The following LRRC7 variants were observed in gnomAD, a reference collection of about 807,000 sequenced individuals.
The protein encoded by LRRC7 is leucine rich repeat containing 7.
A neutral mutation model predicts 175.7 loss-of-function variants in LRRC7; 23 were observed. That is an observed-to-expected ratio of 0.13 (90% CI 0.09 to 0.19). The LOEUF is 0.19. Among genes scored for constraint, LRRC7 ranks in the 10% least tolerant of loss-of-function variants. LRRC7 has a pLI of 1.00. For synonymous variants in LRRC7, 685 were observed against 680.9 expected (o/e 1.01, Z -0.09); for missense variants, 1,354 against 1,904.7 (o/e 0.71, Z 5.38).
In LRRC7 at chr1:69,899,248, A is replaced by G. The variant is rs371698767; in HGVS notation, c.648-32259A>G. 3.9e-5 allele frequency among the ~76,000 whole-genome samples: 6 copies of G among 152,296 alleles called. No individual in the cohort carries two copies. The South Asian group carries it at 1.0e-3, about 26-fold the overall frequency. On this transcript the variant is annotated intron_variant, in intron 7 of 26. Coordinates refer to ENST00000651989, the MANE Select transcript of LRRC7 (RefSeq NM_001370785.2). ...TCATTGTGGTCACAAAAAATCGTCA[A>G]TCATTGATGATGTTTCATGGAATTG...
chr1:69,806,968 T>G (rs897558315), intron 4 of LRRC7, among the ~76,000 whole-genome samples: 4 of 151,974 alleles, frequency 2.6e-5, no homozygotes, highest in African/African-American at 4.8e-5. Context: ...AAATTGCATA[T>G]AAAAAGTACA....
intron 11 of LRRC7, among the ~76,000 whole-genome samples, chr1:70,006,908 A>G (rs1347521665): frequency 6.6e-6 from 1 of 152,204 alleles, no homozygotes; most frequent in African/African-American, 2.4e-5. Flanking sequence ...GAACAGGTAC[A>G]AAAGGAAAGG....
chr1:70,106,618 T>A (rs1413856892), intron 25 of LRRC7, among the ~76,000 whole-genome samples: 1 of 152,204 alleles, frequency 6.6e-6, no homozygotes, highest in Non-Finnish European at 1.5e-5. Context: ...CTGAAATTAG[T>A]AAGAAGGTTT....
intron 25 of LRRC7, among the ~76,000 whole-genome samples, chr1:70,105,621 A>G (rs546056445): frequency 1.3e-5 from 2 of 152,290 alleles, no homozygotes; most frequent in African/African-American, 2.4e-5. Flanking sequence ...ACTTTTAATG[A>G]CCACATATCA....
intron 20 of LRRC7, among the ~76,000 whole-genome samples, chr1:70,036,870 T>G (rs1384992162): frequency 6.6e-6 from 1 of 151,792 alleles, no homozygotes; most frequent in Non-Finnish European, 1.5e-5. Context: ...AACAAAAAAT[T>G]TAAAAAATAA....
At position 69,670,709 on chromosome 1, in the gene LRRC7, G is replaced by A. The variant is rs78753492; in HGVS notation, c.3-7672G>A. Among the ~76,000 whole-genome samples, 1,005 of 152,238 alleles carry A rather than the reference G, an allele frequency of 6.6e-3. 10 individuals carry two copies. Among genetic ancestry groups the A allele is most frequent in the African/African-American group, 0.023 (940 of 41,550 alleles). ...ATTTTAATTTACTGTAGGTGAGCTG[G>A]CAGTCAAACCATGAGACACAGTCCT... On this transcript the variant is annotated intron_variant, in intron 1 of 26. Coordinates refer to ENST00000651989, the MANE Select transcript of LRRC7 (RefSeq NM_001370785.2).
intron 4 of LRRC7, among the ~76,000 whole-genome samples, chr1:69,811,816 T>C (rs1962463): frequency 1.3e-5 from 2 of 152,164 alleles, no homozygotes; most frequent in East Asian, 1.9e-4. Flanking sequence ...AAATACCTAA[T>C]GTAGGTGACA....
intron 7 of LRRC7, among the ~76,000 whole-genome samples, chr1:69,888,581 G>A (rs558189760): frequency 7.9e-5 from 12 of 152,298 alleles, no homozygotes; most frequent in East Asian, 3.9e-4. Context: ...CGTCTTCTGC[G>A]TCGCTCACGC....
rs200806069 is a variant in LRRC7 at position 69,808,701 on chromosome 1, T to C, written c.421+16541T>C. Among the ~76,000 whole-genome samples the C allele has an allele frequency of 2.6e-4, 40 of 152,198 alleles. No homozygotes were observed. The East Asian group carries it at 3.9e-3, about 15-fold the overall frequency. On this transcript the variant is annotated intron_variant, in intron 4 of 26. Coordinates refer to ENST00000651989, the MANE Select transcript of LRRC7 (RefSeq NM_001370785.2). ...GACATTAATGCAGAAATAAATAAGT[T>C]CTTTGAAACCAATAAGAACAAAGAC... is the stretch of plus-strand genomic sequence containing the variant.
At chr1:69,763,426 A>G (rs1275027608) in intron 3 of LRRC7, among the ~76,000 whole-genome samples, 1 of 152,092 alleles carries the variant, frequency 6.6e-6, no homozygotes, top group Non-Finnish European at 1.5e-5. Flanking sequence ...ATTTGTCTGC[A>G]GATCTCATTG....
chr1:70,083,203 C>T (rs951678451), intron 24 of LRRC7, among the ~76,000 whole-genome samples: 1 of 152,092 alleles, frequency 6.6e-6, no homozygotes, highest in African/African-American at 2.4e-5. Context: ...TATTAATTAT[C>T]CTTGAATATT....
intron 11 of LRRC7, among the ~76,000 whole-genome samples, chr1:70,008,846 TC>T (rs1451617241): frequency 6.6e-6 from 1 of 152,178 alleles, no homozygotes; most frequent in Non-Finnish European, 1.5e-5. Context: ...CAATGACCAA[TC>T]ATTGACAGAC....
chr1:69,954,732 C>T lies in LRRC7; in HGVS notation c.711+23162C>T, dbSNP rs370117308. Among the ~76,000 whole-genome samples the T allele has an allele frequency of 4.4e-4, 67 of 152,100 alleles. 1 individual carries two copies. The highest frequency in any genetic ancestry group is 1.5e-3 in the African/African-American group (62 of 41,524). ...TTTTTTAAGAAAAGCATTCTGTTCACACATGAAGAAAATATTAGCTTGTTA... is the reference window on the plus strand; with the variant it reads ...TTTTTTAAGAAAAGCATTCTGTTCATACATGAAGAAAATATTAGCTTGTTA... On this transcript the variant is annotated intron_variant, in intron 8 of 26. Coordinates refer to ENST00000651989, the MANE Select transcript of LRRC7 (RefSeq NM_001370785.2).
chr1:69,569,066 G>GACACAC (rs3831340), intron 1 of LRRC7, among the ~76,000 whole-genome samples: 4 of 151,010 alleles, frequency 2.6e-5, no homozygotes, highest in Non-Finnish European at 4.4e-5. Context: ...GTTTGATCGT[G>GACACAC]ACACACACAC....
At position 69,710,295 on chromosome 1, in the gene LRRC7, A is replaced by AG. The variant is rs1457742174; in HGVS notation, c.100+31817_100+31818insG. Among the ~76,000 whole-genome samples, 1,022 of 150,400 alleles carry AG rather than the reference A, an allele frequency of 6.8e-3. 9 individuals are homozygous for AG. Among genetic ancestry groups the AG allele is most frequent in the African/African-American group, 0.024 (961 of 40,650 alleles). The stretch of plus-strand genomic sequence containing the variant: ...CTCCGTCTCAAAAAAAAAAAAAAAA[A>AG]AAAGAAAGAAAGAAAAAATGTCAAG... On this transcript the variant is annotated intron_variant, in intron 2 of 26. Transcript: ENST00000651989.
At position 70,038,643 on chromosome 1, in the gene LRRC7, A is replaced by G. The variant is rs768924219; in HGVS notation, c.2819A>G (p.Asn940Ser). 9.3e-6 allele frequency: 15 copies of G among 1,614,092 alleles called. No individual in the cohort carries two copies. Among genetic ancestry groups the G allele is most frequent in the South Asian group, 1.1e-5 (1 of 91,074 alleles). Residue 940 changes from asparagine (N) to serine (S), a missense_variant, in exon 21 of 27, where the codon AAC becomes AGC. Around this residue, in one of 4 missense-constraint regions of LRRC7, gnomAD observed 1,032 missense variants for 1,227.2 expected, o/e 0.84. Coordinates refer to ENST00000651989, the MANE Select transcript of LRRC7 (RefSeq NM_001370785.2). ...TGGGAGTATCATGATTCCAATCCCA[A>G]CAGGAGTCTTAGTAATGTCTTTTCT... Reference protein sequence around the residue: ...VPWEYHDSNPNRSLSNVFSQI... With the variant: ...VPWEYHDSNPSRSLSNVFSQI...
At chr1:69,625,538 C>T (rs1651364836) in intron 1 of LRRC7, among the ~76,000 whole-genome samples, 2 of 150,996 alleles carry the variant, frequency 1.3e-5, no homozygotes, top group African/African-American at 4.9e-5. Flanking sequence ...TACTGTTATT[C>T]TTAAGAACTG....
rs560621997 is a variant in LRRC7 at position 70,038,528 on chromosome 1, A to T, written c.2704A>T (p.Thr902Ser). 2 of 1,614,008 alleles carry T rather than the reference A, an allele frequency of 1.2e-6. No homozygotes were observed. Among genetic ancestry groups the T allele is most frequent in the Non-Finnish European group, 1.7e-6 (2 of 1,179,982 alleles). Reference protein sequence around the residue: ...DRTAFPSKLETTPTTSPLPER... With the variant: ...DRTAFPSKLESTPTTSPLPER... ...GACCGCTTTTCCTTCCAAATTAGAG[A>T]CAACCCCCACTACCAGCCCATTGCC... is the stretch of plus-strand genomic sequence containing the variant. The change falls in exon 21 of 27, where the codon ACA becomes TCA. Residue 902 changes from threonine (T) to serine (S), a missense_variant. Thr to Ser is a moderately conservative substitution (Grantham distance 58). This residue lies in a region of LRRC7 where 1,032 missense variants were observed against 1,227.2 expected (regional missense o/e 0.84). Coordinates refer to ENST00000651989, the MANE Select transcript of LRRC7 (RefSeq NM_001370785.2).
chr1:70,093,843 A>G (rs1221065725), intron 25 of LRRC7, among the ~76,000 whole-genome samples: 3 of 151,850 alleles, frequency 2.0e-5, no homozygotes, highest in Admixed American at 2.0e-4. Flanking sequence ...TCCAATTGCA[A>G]AATTTAAGGA....
Sources: allele counts gnomAD v4.1 joint callset (sites outside exome capture counted in the v4.1 genomes callset), GRCh38; gene constraint gnomAD v4.1.1; regional missense constraint gnomAD v4.1.1; transcripts MANE v1.5; gene names NCBI Gene and HGNC (gene_info 2026-07-23, HGNC 2026-07-21).